CCDC61: variants seen among roughly 807,000 people sequenced by gnomAD.
The protein encoded by CCDC61 is centrosomal protein CCDC61.
A neutral mutation model predicts 63.0 loss-of-function variants in CCDC61; 55 were observed. The observed-to-expected ratio is 0.87, with a 90% CI of 0.70 to 1.09. The LOEUF (loss-of-function observed/expected upper bound fraction) is 1.09, where lower values mean the gene tolerates loss of function less well. CCDC61 is among the 50% of genes least tolerant of loss of function. The pLI is 0.00. For synonymous variants in CCDC61, 270 were observed against 317.0 expected (o/e 0.85, Z 1.58); for missense variants, 651 against 731.4 (o/e 0.89, Z 1.27).
chr19:46,013,631 G>A (rs774470367), intron 5 of CCDC61, among the ~76,000 whole-genome samples: 7 of 152,038 alleles, frequency 4.6e-5, no homozygotes, highest in Non-Finnish European at 7.4e-5. Flanking sequence ...CACATTGGGA[G>A]GCTGAGGCGG....
At chr19:46,012,661 G>A (rs868341619) in intron 5 of CCDC61, among the ~76,000 whole-genome samples, 1 of 135,628 alleles carries the variant, frequency 7.4e-6, no homozygotes, top group East Asian at 2.0e-4. Flanking sequence ...AAAAAAAAAG[G>A]AGAAAAAAAT....
intron 1 of CCDC61, among the ~76,000 whole-genome samples, chr19:45,995,754 G>A (rs1968480554): frequency 6.6e-6 from 1 of 152,156 alleles, no homozygotes; most frequent in Admixed American, 6.5e-5. Context: ...TGTAAAGCAG[G>A]AGACAGCAGA....
At position 46,015,937 on chromosome 19, in the gene CCDC61, C is replaced by T. The variant is rs941087964; in HGVS notation, c.846-117C>T. 3 of 879,168 alleles carry T rather than the reference C, an allele frequency of 3.4e-6. No homozygotes were observed. Among genetic ancestry groups the T allele is most frequent in the South Asian group, 5.8e-5 (1 of 17,110 alleles). 54.5% of individuals were successfully genotyped at this position (879,168 alleles called of 1,614,324 possible). The stretch of plus-strand genomic sequence containing the variant: ...AGAGGGTCATGGGCCCAGGAGTGCA[C>T]GTCTAGGAGTTGATGGGGTAGGCCT... On this transcript the variant is annotated intron_variant, in intron 7 of 13. Transcript: ENST00000595358. This position sits in a 1 kb window ranked among gnomAD's most constrained non-coding sequence, Gnocchi z 5.3.
rs139238688 is a variant in CCDC61 at position 46,009,912 on chromosome 19, G to T, written c.551+1611G>T. Among the ~76,000 whole-genome samples the T allele has an allele frequency of 7.7e-3, 1,169 of 152,180 alleles. 14 individuals are homozygous for T. Among genetic ancestry groups the T allele is most frequent in the African/African-American group, 0.027 (1,113 of 41,498 alleles). ...GTGTTTCTGGGTGTGTGTTTCCCAA[G>T]ATGGCCACAAGGGGGCGCCCTCCAC... is the stretch of plus-strand genomic sequence containing the variant. On this transcript the variant is annotated intron_variant, in intron 5 of 13. Coordinates refer to ENST00000595358, the MANE Select transcript of CCDC61 (RefSeq NM_001267723.2).
At chr19:46,001,818 C>T (rs1302471025) in intron 1 of CCDC61, among the ~76,000 whole-genome samples, 1 of 152,206 alleles carries the variant, frequency 6.6e-6, no homozygotes, top group African/African-American at 2.4e-5. Context: ...ATTCATTTAT[C>T]TGCAGAAGGC....
In CCDC61 at chr19:46,017,299, A is replaced by C; in HGVS notation, c.1363A>C (p.Asn455His). The C allele has an allele frequency of 6.4e-7, 1 of 1,561,556 alleles. No homozygotes were observed. ...CAGCCCAACGCCCTGGAGTGGGTCC[A>C]ATATGGTGAGTAGAAGGGGCAACAT... ...PPSPTPWSGSNMKSPPVERSH... is the reference protein window; with the variant it reads ...PPSPTPWSGSHMKSPPVERSH... The change falls in exon 12 of 14, where the codon AAT becomes CAT. Residue 455 changes from asparagine (N) to histidine (H), a missense_variant. By Grantham distance (68) the Asn-to-His change is moderately conservative (BLOSUM62 1). Coordinates refer to ENST00000595358, the MANE Select transcript of CCDC61 (RefSeq NM_001267723.2).
Position 46,008,131 on chromosome 19 carries a change from C to T in CCDC61, c.390-9C>T. Reference sequence around the variant, plus strand: ...CTGAGATGCCACGGTTTTAATCCTCCCTCCTCAGGATTCACTACCCGCTGC... The same window carrying T: ...CTGAGATGCCACGGTTTTAATCCTCTCTCCTCAGGATTCACTACCCGCTGC... On this transcript the variant is annotated splice_polypyrimidine_tract_variant and intron_variant, in intron 4 of 13. Transcript: ENST00000595358. 1 of 1,599,934 alleles carries T rather than the reference C, an allele frequency of 6.3e-7. No individual in the cohort carries two copies. The highest frequency in any genetic ancestry group is 8.5e-7 in the Non-Finnish European group (1 of 1,173,220).
At chr19:46,004,365 C>T (rs556758986) in intron 3 of CCDC61, among the ~76,000 whole-genome samples, 140 of 152,242 alleles carry the variant, frequency 9.2e-4, no homozygotes, top group Non-Finnish European at 1.3e-3. Context: ...GGGACACTGG[C>T]GATACAGCAG....
In CCDC61 at chr19:46,002,891, G is replaced by A. The variant is rs576708450; in HGVS notation, c.-11-117G>A. Reference sequence around the variant, plus strand: ...AACTAAGGCACAGAGAGGTGAATTCGCTTTCCCAGGATGCCACAGCTGGTA... The same window carrying A: ...AACTAAGGCACAGAGAGGTGAATTCACTTTCCCAGGATGCCACAGCTGGTA... On this transcript the variant is annotated intron_variant, in intron 1 of 13. Transcript: ENST00000595358. 3.0e-5 allele frequency: 30 copies of A among 1,006,496 alleles called. No homozygotes were observed. In the African/African-American group the frequency reaches 4.0e-4, roughly 14 times the overall value. 62.3% of individuals were successfully genotyped at this position (1,006,496 alleles called of 1,614,324 possible). A position where few individuals can be genotyped will look rare whatever the true frequency, so the allele number is the denominator to read the frequency against.
At chr19:46,007,136 C>G (rs1291878907) in intron 4 of CCDC61, among the ~76,000 whole-genome samples, 1 of 151,900 alleles carries the variant, frequency 6.6e-6, no homozygotes, top group African/African-American at 2.4e-5. Context: ...GCAACCTCTC[C>G]CTCCCAGGTT....
chr19:46,016,419 G>T lies in CCDC61; in HGVS notation c.1091+26G>T. On this transcript the variant is annotated intron_variant, in intron 9 of 13. Transcript: ENST00000595358. This position sits in a 1 kb window ranked among gnomAD's most constrained non-coding sequence, Gnocchi z 7.2. ...GTCAGTGCCCCTTCCTCCCTCACCT[G>T]CCCCTGTCCCTGGCCCGTGCCCGCT... 1 of 1,611,094 alleles carries T rather than the reference G, an allele frequency of 6.2e-7. No individual in the cohort carries two copies. The highest frequency in any genetic ancestry group is 8.5e-7 in the Non-Finnish European group (1 of 1,178,430).
chr19:45,999,381 T>TGGGGTCGGGAA (rs1968549487), intron 1 of CCDC61, among the ~76,000 whole-genome samples: 1 of 67,264 alleles, frequency 1.5e-5, no homozygotes, highest in Non-Finnish European at 2.9e-5. Context: ...GAGGTCAGAA[T>TGGGGTCGGGAA]GGGGTCGGGA....
At chr19:45,997,750 CATCT>C (rs1218978739) in intron 1 of CCDC61, among the ~76,000 whole-genome samples, 1 of 151,714 alleles carries the variant, frequency 6.6e-6, no homozygotes, top group African/African-American at 2.4e-5. Flanking sequence ...GCAGTGGCCT[CATCT>C]CAGCTCACTA....
intron 1 of CCDC61, chr19:45,996,108 T>A (rs1968486828): frequency 6.5e-6 from 1 of 154,598 alleles, no homozygotes. Context: ...CACTGATCAT[T>A]ACTGTGGCTT....
At position 46,010,190 on chromosome 19, in the gene CCDC61, C is replaced by T. The variant is rs146079832; in HGVS notation, c.551+1889C>T. On this transcript the variant is annotated intron_variant, in intron 5 of 13. Coordinates refer to ENST00000595358, the MANE Select transcript of CCDC61 (RefSeq NM_001267723.2). ...ACAGGCGGGCATTCTTATTATCGTC[C>T]CTCTTCACAGATGAGAAAAGATGGC... 2.6e-3 allele frequency among the ~76,000 whole-genome samples: 403 copies of T among 152,304 alleles called. 3 individuals carry two copies. Among genetic ancestry groups the T allele is most frequent in the Middle Eastern group, 0.01 (3 of 294 alleles).
In CCDC61 at chr19:46,016,896, G is replaced by A; in HGVS notation, c.1231+63G>A. 2.9e-6 allele frequency: 4 copies of A among 1,400,250 alleles called. No homozygotes were observed. The highest frequency in any genetic ancestry group is 2.6e-5 in the South Asian group (2 of 77,848). 86.7% of individuals were successfully genotyped at this position (1,400,250 alleles called of 1,614,324 possible). On this transcript the variant is annotated intron_variant, in intron 10 of 13. Coordinates refer to ENST00000595358, the MANE Select transcript of CCDC61 (RefSeq NM_001267723.2). This position sits in a 1 kb window ranked among gnomAD's most constrained non-coding sequence, Gnocchi z 7.2. ...GGACTGGGCGGGGCTGGGCGGGCTG[G>A]GAGGCACTGGGCAGGGCGGGCGGGC...
intron 1 of CCDC61, chr19:45,996,470 C>T (rs1968494721): frequency 7.1e-6 from 1 of 140,024 alleles, no homozygotes; most frequent in Admixed American, 7.6e-5. Context: ...GCTCTTGTAG[C>T]CCAGGCTGGA....
chr19:46,017,373 G>A (rs891058680), intron 12 of CCDC61, 69 bp downstream of exon 12: 1 of 1,427,194 alleles, frequency 7.0e-7, no homozygotes, highest in African/African-American at 1.4e-5. Flanking sequence ...CCTTCCTGGG[G>A]ATCAGGTGCA....
chr19:46,002,680 G>A (rs1968613773), intron 1 of CCDC61, among the ~76,000 whole-genome samples: 1 of 152,068 alleles, frequency 6.6e-6, no homozygotes, highest in South Asian at 2.1e-4. Flanking sequence ...GCCTCCCAAA[G>A]TGCTGGGATA....
Sources: gnomAD v4.1 joint callset for allele counts (sites outside exome capture counted in the v4.1 genomes callset) on GRCh38, gnomAD v4.1.1 for gene constraint, Gnocchi (gnomAD v3.1) non-coding constraint, MANE v1.5 for transcripts, NCBI Gene and HGNC (gene_info 2026-07-23, HGNC 2026-07-21) for gene names.